Variants in AGBL4 observed in about 807,000 individuals in gnomAD.
The protein encoded by AGBL4 is cytosolic carboxypeptidase 6.
In AGBL4, 58 loss-of-function variants were observed where a neutral mutation model predicts 66.4. That is an observed-to-expected ratio of 0.87 (90% CI 0.71 to 1.09). The LOEUF (loss-of-function observed/expected upper bound fraction) is 1.09, where lower values mean the gene tolerates loss of function less well. Among genes scored for constraint, AGBL4 ranks in the 50% least tolerant of loss-of-function variants. The pLI is 0.00. For synonymous variants in AGBL4, 234 were observed against 222.9 expected (o/e 1.05, Z -0.44); for missense variants, 579 against 631.0 (o/e 0.92, Z 0.88).
chr1:49,905,093 G>T (rs1650143618), intron 1 of AGBL4, among the ~76,000 whole-genome samples: 1 of 152,036 alleles, frequency 6.6e-6, no homozygotes, highest in Non-Finnish European at 1.5e-5. Context: ...TTATTTTCAG[G>T]CAAAGCATCA....
intron 3 of AGBL4, among the ~76,000 whole-genome samples, chr1:49,300,546 G>A (rs192137434): frequency 6.6e-6 from 1 of 152,254 alleles, no homozygotes; most frequent in Admixed American, 6.5e-5. Context: ...GAGACCCACA[G>A]GTCTCCATTA....
chr1:49,270,114 C>T (rs567836717), intron 3 of AGBL4, among the ~76,000 whole-genome samples: 3 of 152,298 alleles, frequency 2.0e-5, no homozygotes, highest in African/African-American at 7.2e-5. Context: ...ATTTCTGTGA[C>T]TAGTCTTGGG....
At chr1:49,146,626 G>C (rs1646223283) in intron 4 of AGBL4, among the ~76,000 whole-genome samples, 2 of 152,168 alleles carry the variant, frequency 1.3e-5, no homozygotes, top group Non-Finnish European at 2.9e-5. Flanking sequence ...GCTATAAAGT[G>C]GGATGGTGGT....
At chr1:49,223,490 G>A (rs1325073545) in intron 4 of AGBL4, among the ~76,000 whole-genome samples, 4 of 152,124 alleles carry the variant, frequency 2.6e-5, no homozygotes, top group African/African-American at 4.8e-5. Context: ...GTTATGTTTC[G>A]TTTCTTTGAT....
At chr1:49,486,622 T>C (rs1647072344) in intron 3 of AGBL4, among the ~76,000 whole-genome samples, 1 of 152,022 alleles carries the variant, frequency 6.6e-6, no homozygotes, top group African/African-American at 2.4e-5. Context: ...TCACTACCTA[T>C]TTCACTCTTG....
chr1:49,958,748 C>T (rs536090700), intron 1 of AGBL4, among the ~76,000 whole-genome samples: 11 of 151,046 alleles, frequency 7.3e-5, no homozygotes, highest in Non-Finnish European at 1.2e-4. Context: ...ATGTATATGA[C>T]GATTTAATGG....
At chr1:49,248,026 T>A (rs1313035776) in intron 3 of AGBL4, among the ~76,000 whole-genome samples, 1 of 152,166 alleles carries the variant, frequency 6.6e-6, no homozygotes, top group Non-Finnish European at 1.5e-5. Context: ...TACCATTCCC[T>A]GTTCAAGTAT....
intron 5 of AGBL4, among the ~76,000 whole-genome samples, chr1:49,012,235 T>A (rs1288290924): frequency 6.6e-6 from 1 of 152,104 alleles, no homozygotes; most frequent in Non-Finnish European, 1.5e-5. Context: ...ACAGTGAGCC[T>A]GGGTTTCAGA....
At chr1:49,569,889 T>G (rs1252632475) in intron 3 of AGBL4, among the ~76,000 whole-genome samples, 1 of 152,186 alleles carries the variant, frequency 6.6e-6, no homozygotes, top group Non-Finnish European at 1.5e-5. Flanking sequence ...TCCAGTTCCA[T>G]ACATGCTGCA....
chr1:49,657,240 G>A (rs368873081), intron 3 of AGBL4, among the ~76,000 whole-genome samples: 1 of 152,148 alleles, frequency 6.6e-6, no homozygotes, highest in Non-Finnish European at 1.5e-5. Context: ...CAAATCATGA[G>A]TGAACTCCCA....
chr1:49,453,867 G>C (rs1225805834), intron 3 of AGBL4, among the ~76,000 whole-genome samples: 5 of 151,754 alleles, frequency 3.3e-5, no homozygotes, highest in African/African-American at 9.7e-5. Context: ...GCAGATCTAA[G>C]CAAGAGGCCA....
At chr1:48,969,502 C>T (rs953831136) in intron 5 of AGBL4, among the ~76,000 whole-genome samples, 1 of 152,046 alleles carries the variant, frequency 6.6e-6, no homozygotes, top group African/African-American at 2.4e-5. Context: ...CTATTTGTCC[C>T]ACAGAGATTT....
At chr1:49,922,779 G>A (rs1024058306) in intron 1 of AGBL4, among the ~76,000 whole-genome samples, 1 of 152,048 alleles carries the variant, frequency 6.6e-6, no homozygotes, top group Non-Finnish European at 1.5e-5. Flanking sequence ...TCTCTACAAG[G>A]AGAACTACAA....
intron 1 of AGBL4, among the ~76,000 whole-genome samples, chr1:49,943,867 G>A (rs1308488835): frequency 6.6e-6 from 1 of 152,084 alleles, no homozygotes; most frequent in Admixed American, 6.6e-5. Context: ...TTTCACAACT[G>A]GAAGACTGGT....
At chr1:49,665,764 A>G (rs1218528096) in intron 3 of AGBL4, among the ~76,000 whole-genome samples, 1 of 152,028 alleles carries the variant, frequency 6.6e-6, no homozygotes, top group Non-Finnish European at 1.5e-5. Flanking sequence ...ATAATTTTTC[A>G]CTTAATGAAA....
At chr1:48,959,302 C>T (rs1657759709) in intron 5 of AGBL4, among the ~76,000 whole-genome samples, 1 of 152,132 alleles carries the variant, frequency 6.6e-6, no homozygotes, top group Non-Finnish European at 1.5e-5. Context: ...CACAAACTCC[C>T]TGAATCATAG....
chr1:49,686,920 A>G (rs932787486), intron 3 of AGBL4, among the ~76,000 whole-genome samples: 1 of 152,184 alleles, frequency 6.6e-6, no homozygotes, highest in Non-Finnish European at 1.5e-5. Context: ...GCTTAATCCA[A>G]ATGAATAAAT....
At chr1:48,769,273 T>G (rs935586171) in intron 6 of AGBL4, among the ~76,000 whole-genome samples, 1 of 151,998 alleles carries the variant, frequency 6.6e-6, no homozygotes, top group Admixed American at 6.6e-5. Flanking sequence ...AGAGAAGGAA[T>G]TGCTAGCCAG....
At chr1:49,822,795 G>A (rs906391438) in intron 2 of AGBL4, among the ~76,000 whole-genome samples, 1 of 152,016 alleles carries the variant, frequency 6.6e-6, no homozygotes, top group Non-Finnish European at 1.5e-5. Context: ...GCAATGATGG[G>A]GACTGGAGAT....
Sources: allele counts gnomAD v4.1 joint callset (sites outside exome capture counted in the v4.1 genomes callset), GRCh38; gene constraint gnomAD v4.1.1; transcripts MANE v1.5; gene names NCBI Gene and HGNC (gene_info 2026-07-23, HGNC 2026-07-21).